Variants in RANBP2 observed in about 807,000 individuals in gnomAD.
The protein encoded by RANBP2 is RAN binding protein 2, also known as E3 SUMO-protein ligase RanBP2.
A neutral mutation model predicts 303.6 loss-of-function variants in RANBP2; 57 were observed. The ratio of observed to expected loss-of-function variants is 0.19; its 90% confidence interval spans 0.15 to 0.23. RANBP2 has a LOEUF of 0.23. Among genes scored for constraint, RANBP2 ranks in the 10% least tolerant of loss-of-function variants. The pLI is 1.00. For synonymous variants in RANBP2, 1,167 were observed against 1,301.5 expected (o/e 0.90, Z 2.23); for missense variants, 3,138 against 3,780.8 (o/e 0.83, Z 4.46).
At chr2:108,843,095 C>T in the RANBP2 span, among the ~76,000 whole-genome samples, 1 of 151,684 alleles carries the variant, frequency 6.6e-6, no homozygotes, top group African/African-American at 2.4e-5. Flanking sequence ...TGCCACAGTT[C>T]CCTCTTTCAT....
the RANBP2 span, among the ~76,000 whole-genome samples, chr2:109,419,289 C>G: frequency 2.6e-5 from 4 of 152,132 alleles, no homozygotes; most frequent in African/African-American, 9.7e-5. Flanking sequence ...TGCTGACCAG[C>G]CTAGATGCAG....
the RANBP2 span, among the ~76,000 whole-genome samples, chr2:109,594,121 A>G: frequency 6.6e-6 from 1 of 152,218 alleles, no homozygotes; most frequent in African/African-American, 2.4e-5. Context: ...CCAAATGGAT[A>G]TTCACTGTTC....
At chr2:109,659,409 T>C in the RANBP2 span, among the ~76,000 whole-genome samples, 1 of 152,042 alleles carries the variant, frequency 6.6e-6, no homozygotes, top group Non-Finnish European at 1.5e-5. Context: ...AAAACAAAAC[T>C]CAAATAACAG....
chr2:109,131,346 G>A, the RANBP2 span, among the ~76,000 whole-genome samples: 4 of 152,066 alleles, frequency 2.6e-5, no homozygotes, highest in Non-Finnish European at 5.9e-5. Context: ...TTTTTCTTTG[G>A]TTTTAATTGT....
chr2:108,796,319 G>T, the RANBP2 span, among the ~76,000 whole-genome samples: 83 of 152,188 alleles, frequency 5.5e-4, no homozygotes, highest in African/African-American at 2.0e-3. Flanking sequence ...CTCCCAAAGT[G>T]CTGGGATTAC....
the RANBP2 span, among the ~76,000 whole-genome samples, chr2:109,372,337 G>C: frequency 6.6e-6 from 1 of 152,224 alleles, no homozygotes; most frequent in Non-Finnish European, 1.5e-5. Flanking sequence ...CTGGGGCTGT[G>C]TGTGTATGTA....
At chr2:109,116,942 A>C in the RANBP2 span, among the ~76,000 whole-genome samples, 5 of 152,220 alleles carry the variant, frequency 3.3e-5, no homozygotes, top group Non-Finnish European at 5.9e-5. Context: ...GCTGCAGAAC[A>C]GCAGCTTTTC....
At chr2:109,582,731 A>G in the RANBP2 span, among the ~76,000 whole-genome samples, 8 of 152,256 alleles carry the variant, frequency 5.3e-5, no homozygotes, top group African/African-American at 1.9e-4. Context: ...AGCAATACTA[A>G]GCAAAAGAAC....
At chr2:109,012,503 CTCT>C in the RANBP2 span, among the ~76,000 whole-genome samples, 49,905 of 151,992 alleles carry the variant, frequency 0.33, 9,962 homozygotes, top group East Asian at 0.85. Context: ...GGGTCAGGGA[CTCT>C]TGCTTCTTCA....
At chr2:108,938,072 T>C in the RANBP2 span, among the ~76,000 whole-genome samples, 2 of 152,222 alleles carry the variant, frequency 1.3e-5, no homozygotes, top group Admixed American at 6.5e-5. Context: ...CTAATACAAA[T>C]AAGCATGTCC....
At chr2:109,188,079 G>A in the RANBP2 span, among the ~76,000 whole-genome samples, 2 of 152,244 alleles carry the variant, frequency 1.3e-5, no homozygotes, top group South Asian at 2.1e-4. Context: ...GAGTGGTCCC[G>A]AACTGCAGAT....
chr2:109,156,853 G>A, the RANBP2 span, among the ~76,000 whole-genome samples: 1 of 152,210 alleles, frequency 6.6e-6, no homozygotes, highest in Admixed American at 6.5e-5. Context: ...TCACAGAACT[G>A]AGGAATAGAG....
chr2:109,442,061 C>T, the RANBP2 span, among the ~76,000 whole-genome samples: 1 of 152,244 alleles, frequency 6.6e-6, no homozygotes, highest in East Asian at 1.9e-4. Flanking sequence ...CCTGTAATCC[C>T]AGCACTTTGG....
chr2:109,453,629 T>C, the RANBP2 span, among the ~76,000 whole-genome samples: 1 of 152,168 alleles, frequency 6.6e-6, no homozygotes, highest in Admixed American at 6.5e-5. Flanking sequence ...CATCTGTGTA[T>C]TGCAAAGAGC....
At chr2:109,584,461 C>T in the RANBP2 span, among the ~76,000 whole-genome samples, 4 of 111,370 alleles carry the variant, frequency 3.6e-5, no homozygotes, top group East Asian at 2.5e-4. Flanking sequence ...GGTGACAGAG[C>T]GAGACTCTGT....
chr2:109,364,394 A>G, the RANBP2 span, among the ~76,000 whole-genome samples: 6 of 152,320 alleles, frequency 3.9e-5, no homozygotes, highest in Admixed American at 1.3e-4. Context: ...TTCAAACATT[A>G]AAGCCCTTAG....
chr2:109,554,676 T>C, the RANBP2 span, among the ~76,000 whole-genome samples: 2 of 152,196 alleles, frequency 1.3e-5, no homozygotes, highest in African/African-American at 2.4e-5. Flanking sequence ...TTTTTTCTTA[T>C]CAATGTTACA....
chr2:109,639,457 A>G, the RANBP2 span, among the ~76,000 whole-genome samples: 1 of 151,864 alleles, frequency 6.6e-6, no homozygotes, highest in Non-Finnish European at 1.5e-5. Context: ...CGTCTCTACT[A>G]AAAATACAAA....
chr2:109,013,060 C>T, the RANBP2 span, among the ~76,000 whole-genome samples: 1 of 152,210 alleles, frequency 6.6e-6, no homozygotes, highest in African/African-American at 2.4e-5. Context: ...TAACACCTAA[C>T]ACCTTATTTA....
Sources: gnomAD v4.1 joint callset for allele counts (sites outside exome capture counted in the v4.1 genomes callset) on GRCh38, gnomAD v4.1.1 for gene constraint, MANE v1.5 for transcripts, NCBI Gene and HGNC (gene_info 2026-07-23, HGNC 2026-07-21) for gene names.